DACH2: variants seen among roughly 807,000 people sequenced by gnomAD.
DACH2 encodes dachshund family transcription factor 2, also known as dachshund homolog 2.
DACH2 carries 17 observed loss-of-function variants against 35.8 expected under a neutral mutation model. The ratio of observed to expected loss-of-function variants is 0.48; its 90% CI spans 0.33 to 0.71. The LOEUF (loss-of-function observed/expected upper bound fraction) is 0.71. Among genes scored for constraint, DACH2 ranks in the 30% least tolerant of loss-of-function variants. The pLI, the probability that DACH2 is intolerant of heterozygous loss-of-function variation, is 0.02. For missense variants in DACH2, 469 were observed against 472.7 expected (o/e 0.99, Z 0.07); for synonymous variants, 195 against 177.3 (o/e 1.10, Z -0.79).
At chrX:86,557,331 A>G (rs1465844578) in intron 3 of DACH2, among the ~76,000 whole-genome samples, 1 of 111,306 alleles carries the variant, frequency 9.0e-6, no homozygotes, top group Admixed American at 9.6e-5. Context: ...AACCATCACA[A>G]CATGTGGGTG....
At chrX:86,297,199 G>C (rs894272768) in intron 1 of DACH2, among the ~76,000 whole-genome samples, 1 of 109,329 alleles carries the variant, frequency 9.1e-6, no homozygotes, top group Non-Finnish European at 1.9e-5. Flanking sequence ...AAATAGCTTC[G>C]ACCTTCTTAG....
intron 2 of DACH2, among the ~76,000 whole-genome samples, chrX:86,458,383 T>G (rs1418093943): frequency 3.6e-5 from 4 of 111,819 alleles, no homozygotes; most frequent in Non-Finnish European, 5.6e-5. Flanking sequence ...AAATTAAAGC[T>G]GCTTCCCCAG....
chrX:86,173,899 A>G (rs970269159), intron 1 of DACH2, among the ~76,000 whole-genome samples: 3 of 111,440 alleles, frequency 2.7e-5, no homozygotes, highest in Admixed American at 1.9e-4. Context: ...ATAGTGGTAG[A>G]GTAGAGGTGA....
chrX:86,541,629 G>A (rs1400259476), intron 3 of DACH2, among the ~76,000 whole-genome samples: 1 of 111,161 alleles, frequency 9.0e-6, no homozygotes, highest in Non-Finnish European at 1.9e-5. Flanking sequence ...AAAAATTAGG[G>A]CAAACAAGTC....
intron 2 of DACH2, among the ~76,000 whole-genome samples, chrX:86,477,841 T>C (rs1052422150): frequency 1.8e-5 from 2 of 111,167 alleles, no homozygotes; most frequent in African/African-American, 6.5e-5. Context: ...TTATATATGT[T>C]TTTAAATTTC....
intron 3 of DACH2, among the ~76,000 whole-genome samples, chrX:86,608,339 C>T (rs1357272487): frequency 9.0e-6 from 1 of 111,721 alleles, no homozygotes; most frequent in Non-Finnish European, 1.9e-5. Flanking sequence ...CTAGTTCAAC[C>T]ATTGTGGAAT....
At chrX:86,161,095 T>G in intron 1 of DACH2, 1 of 1,084,963 alleles carries the variant, frequency 9.2e-7, no homozygotes, top group Non-Finnish European at 1.3e-6. Context: ...AATGCTACTG[T>G]GTTGGGGTTG....
Position 86,636,100 on chromosome X carries a change from C to T in DACH2, c.641-14936C>T, listed in dbSNP as rs761271279. On this transcript the variant is annotated intron_variant, in intron 3 of 11. Transcript: ENST00000373125. ...AATTTTAAGTAAAAGGAACAAAGCT[C>T]GGGGGATCATGCTACCTGAGTTTAA... is the stretch of plus-strand genomic sequence containing the variant. 1.0e-3 allele frequency among the ~76,000 whole-genome samples: 112 copies of T among 110,920 alleles called. 1 individual carries two copies. Among genetic ancestry groups the T allele is most frequent in the African/African-American group, 1.6e-3 (48 of 30,512 alleles).
intron 3 of DACH2, among the ~76,000 whole-genome samples, chrX:86,569,354 G>A (rs750203959): frequency 9.0e-6 from 1 of 111,392 alleles, no homozygotes; most frequent in Admixed American, 9.6e-5. Context: ...TGTGACAAAG[G>A]TGTAATTAGA....
At chrX:86,707,062 T>C (rs894405770) in intron 5 of DACH2, among the ~76,000 whole-genome samples, 5 of 110,754 alleles carry the variant, frequency 4.5e-5, no homozygotes, top group African/African-American at 1.3e-4. Context: ...AGCTGGTTCA[T>C]TGACAAGACA....
intron 1 of DACH2, among the ~76,000 whole-genome samples, chrX:86,296,200 A>G (rs911887743): frequency 9.5e-6 from 1 of 105,098 alleles, no homozygotes; most frequent in Non-Finnish European, 1.9e-5. Flanking sequence ...TAACACGGTG[A>G]AACCCCGTCT....
intron 11 of DACH2, chrX:86,830,620 A>C (rs974269924): frequency 1.8e-5 from 2 of 111,690 alleles, no homozygotes; most frequent in African/African-American, 6.5e-5. Flanking sequence ...CTAAAGGACA[A>C]ATGGTGATTG....
rs761835020 is a variant in DACH2 at position 86,499,772 on chromosome X, C to T, written c.528-14507C>T. 4.5e-5 allele frequency among the ~76,000 whole-genome samples: 5 copies of T among 111,866 alleles called. No homozygotes were observed. The South Asian group carries it at 1.5e-3, about 34-fold the overall frequency. On this transcript the variant is annotated intron_variant, in intron 2 of 11. Transcript: ENST00000373125. ...TCTTCAATCACATAAAAAATGAAAA[C>T]GACAAGCTCAAAAAGAATTATTTGA...
chrX:86,708,313 A>G (rs990287308), intron 5 of DACH2, among the ~76,000 whole-genome samples: 2 of 110,821 alleles, frequency 1.8e-5, no homozygotes, highest in Non-Finnish European at 3.8e-5. Flanking sequence ...GAAAAATGAA[A>G]TAAAATTTAT....
At chrX:86,772,591 A>G (rs1231897068) in intron 7 of DACH2, among the ~76,000 whole-genome samples, 1 of 111,797 alleles carries the variant, frequency 8.9e-6, no homozygotes, top group Non-Finnish European at 1.9e-5. Flanking sequence ...GCTTGCAAGT[A>G]GGGTAAAAAT....
At chrX:86,326,311 C>T (rs927163883) in intron 1 of DACH2, among the ~76,000 whole-genome samples, 3 of 109,881 alleles carry the variant, frequency 2.7e-5, no homozygotes, top group Non-Finnish European at 5.7e-5. Context: ...TCCATCTCTA[C>T]AAAAAATTAG....
intron 2 of DACH2, among the ~76,000 whole-genome samples, chrX:86,442,329 T>C (rs1199154755): frequency 9.3e-6 from 1 of 107,414 alleles, no homozygotes; most frequent in Non-Finnish European, 1.9e-5. Flanking sequence ...TCTATTCAGG[T>C]CTTTTGCTCA....
At chrX:86,456,292 T>C in intron 2 of DACH2, among the ~76,000 whole-genome samples, 1 of 112,441 alleles carries the variant, frequency 8.9e-6, no homozygotes, top group Non-Finnish European at 1.9e-5. Flanking sequence ...CCCCAGGCCT[T>C]CTGTTGTTTT....
chrX:86,424,163 A>C (rs1022323716), intron 2 of DACH2, among the ~76,000 whole-genome samples: 5 of 109,622 alleles, frequency 4.6e-5, no homozygotes, highest in Non-Finnish European at 7.6e-5. Context: ...AACTTTGGCT[A>C]TTCTGGATCT....
Sources: gnomAD v4.1 joint callset for allele counts (sites outside exome capture counted in the v4.1 genomes callset) on GRCh38, gnomAD v4.1.1 for gene constraint, MANE v1.5 for transcripts, NCBI Gene and HGNC (gene_info 2026-07-23, HGNC 2026-07-21) for gene names.